The following KIAA1671 variants were observed in gnomAD, a reference collection of about 807,000 sequenced individuals.
The protein encoded by KIAA1671 is KIAA1671, also known as uncharacterized protein KIAA1671.
In KIAA1671, 52 loss-of-function variants were observed where a neutral mutation model predicts 131.2. The ratio of observed to expected loss-of-function variants is 0.40; its 90% CI spans 0.32 to 0.50. KIAA1671 has a LOEUF of 0.50. Ranked by LOEUF, KIAA1671 falls within the 20% of genes least tolerant of loss-of-function variation. The probability of loss-of-function intolerance (pLI) is 0.73; values close to 1 mark genes in which losing one functional copy is unlikely to be tolerated. For missense variants in KIAA1671, 2,360 were observed against 2,364.2 expected, an observed-to-expected ratio of 1.00 and a Z score of 0.04; for synonymous variants, 1,003 against 961.6, an observed-to-expected ratio of 1.04 and a Z score of -0.80.
At position 25,177,665 on chromosome 22, in the gene KIAA1671, G is replaced by A. The variant is rs541762565; in HGVS notation, c.5074+143G>A. On this transcript the variant is annotated intron_variant, in intron 9 of 12. Coordinates refer to ENST00000358431, the MANE Select transcript of KIAA1671 (RefSeq NM_001145206.2). ...ATAGGAAACTGATTTTTTTTTTCAT[G>A]TCTTAAACACACAGGTGTTTATTTA... is the stretch of plus-strand genomic sequence containing the variant. 3 of 682,630 alleles carry A rather than the reference G, an allele frequency of 4.4e-6. No homozygotes were observed. In the East Asian group the frequency reaches 8.3e-5, roughly 19 times the overall value. The allele number at this position is 682,630 out of a possible 1,614,324, so 42.3% of individuals were successfully genotyped here. A position where few individuals can be genotyped will look rare whatever the true frequency, so the allele number is the denominator to read the frequency against.
rs73407425 is a variant in KIAA1671 at position 25,165,967 on chromosome 22, G to A, written c.4531-4853G>A. Among the ~76,000 whole-genome samples, 1,361 of 152,278 alleles carry A rather than the reference G, an allele frequency of 8.9e-3. 23 individuals carry two copies. Among genetic ancestry groups the A allele is most frequent in the African/African-American group, 0.03 (1,265 of 41,556 alleles). Reference sequence around the variant, plus strand: ...CAGGCCCCGCACCCATGCAGGTCCCGCAGGCCGTAACCCTTTCCCTAACCC... The same window carrying A: ...CAGGCCCCGCACCCATGCAGGTCCCACAGGCCGTAACCCTTTCCCTAACCC... On this transcript the variant is annotated intron_variant, in intron 6 of 12. Coordinates refer to ENST00000358431, the MANE Select transcript of KIAA1671 (RefSeq NM_001145206.2).
At chr22:25,094,963 G>C (rs1930326167) in intron 6 of KIAA1671, among the ~76,000 whole-genome samples, 1 of 152,062 alleles carries the variant, frequency 6.6e-6, no homozygotes. Context: ...TAAGGAGTGG[G>C]GATACTGTAG....
At chr22:24,990,511 A>G (rs985666331) in intron 1 of KIAA1671, among the ~76,000 whole-genome samples, 3 of 152,110 alleles carry the variant, frequency 2.0e-5, no homozygotes, top group African/African-American at 7.2e-5. Context: ...CCATGCACAC[A>G]CCATGCTCAC....
intron 6 of KIAA1671, among the ~76,000 whole-genome samples, chr22:25,150,356 A>G (rs77076821): frequency 0.01 from 1,580 of 152,260 alleles, 27 homozygotes; most frequent in African/African-American, 0.035. Flanking sequence ...CCCATTTTAC[A>G]GAGGGGGAAA....
intron 9 of KIAA1671, among the ~76,000 whole-genome samples, chr22:25,180,598 A>G (rs983611687): frequency 2.2e-4 from 34 of 152,126 alleles, no homozygotes; most frequent in African/African-American, 6.3e-4. Flanking sequence ...TGACCTGCCC[A>G]CTCTATGTAG....
At chr22:25,025,175 G>A (rs1189485411) in intron 1 of KIAA1671, among the ~76,000 whole-genome samples, 1 of 61,928 alleles carries the variant, frequency 1.6e-5, no homozygotes, top group African/African-American at 5.5e-5. Context: ...TCAGCACCTC[G>A]AATGCTCAGT....
rs116112981 is a variant in KIAA1671 at position 24,968,677 on chromosome 22, G to T, written c.-208+15905G>T. ...ATGTTAAGTAAAGCCCCCACTGTGT[G>T]CATGGAGCTGTCTGGAGTACTGAGA... On this transcript the variant is annotated intron_variant, in intron 1 of 12. Coordinates refer to ENST00000358431, the MANE Select transcript of KIAA1671 (RefSeq NM_001145206.2). Among the ~76,000 whole-genome samples, 826 of 152,226 alleles carry T rather than the reference G, an allele frequency of 5.4e-3. 6 individuals are homozygous for T. The highest frequency in any genetic ancestry group is 0.019 in the African/African-American group (791 of 41,534).
At chr22:24,991,564 C>T (rs1348897970) in intron 1 of KIAA1671, among the ~76,000 whole-genome samples, 1 of 149,760 alleles carries the variant, frequency 6.7e-6, no homozygotes, top group Non-Finnish European at 1.5e-5. Flanking sequence ...TCAAGCGATT[C>T]TCCTGCCTCA....
chr22:25,187,778 A>G (rs903423946), intron 11 of KIAA1671, among the ~76,000 whole-genome samples: 6 of 152,316 alleles, frequency 3.9e-5, no homozygotes, highest in Non-Finnish European at 5.9e-5. Flanking sequence ...GATTACAGGC[A>G]TGAGCTACCG....
At chr22:25,005,066 T>G (rs1387552350) in intron 1 of KIAA1671, among the ~76,000 whole-genome samples, 3 of 146,920 alleles carry the variant, frequency 2.0e-5, no homozygotes, top group African/African-American at 7.5e-5. Context: ...AATGGAAAGG[T>G]TGGCTGGGTG....
chr22:25,138,931 C>T (rs1264201064), intron 6 of KIAA1671, among the ~76,000 whole-genome samples: 2 of 152,162 alleles, frequency 1.3e-5, no homozygotes, highest in Non-Finnish European at 2.9e-5. Context: ...GATGTTTTGT[C>T]TTTGGGTGCT....
rs191104301 is a variant in KIAA1671, at chr22:25,168,282, G to A, written c.4531-2538G>A. On this transcript the variant is annotated intron_variant, in intron 6 of 12. Coordinates refer to ENST00000358431, the MANE Select transcript of KIAA1671 (RefSeq NM_001145206.2). Reference sequence around the variant, plus strand: ...TGAGTTGCAGAATCCTAGAGCCTGCGTCTGTGCCGTGACCTCCCACGCCCA... The same window carrying A: ...TGAGTTGCAGAATCCTAGAGCCTGCATCTGTGCCGTGACCTCCCACGCCCA... Among the ~76,000 whole-genome samples, 228 of 152,370 alleles carry A rather than the reference G, an allele frequency of 1.5e-3. 1 individual carries two copies. The highest frequency in any genetic ancestry group is 5.3e-3 in the African/African-American group (222 of 41,588).
rs945917909 is a variant in KIAA1671 at position 25,039,600 on chromosome 22, G to A, written c.2470G>A (p.Gly824Ser). Residue 824 changes from glycine (G) to serine (S), a missense_variant, in exon 5 of 13, where the codon GGC becomes AGC. By Grantham distance (56) the Gly-to-Ser change is moderately conservative. This residue lies in a region of KIAA1671 where 1,185 missense variants were observed against 1,126.2 expected (regional missense o/e 1.05). Transcript: ENST00000358431. ...CAATTGCCCGTTTCCCAAATGGACA[G>A]GCGGGGCAGTGGTGAGCTCGCACAA... ...GGNCPFPKWTGGAVVSSHKAT... is the reference protein window; with the variant it reads ...GGNCPFPKWTSGAVVSSHKAT... The A allele has an allele frequency of 3.2e-6, 5 of 1,551,706 alleles. No individual in the cohort carries two copies. The East Asian group carries it at 1.2e-4, about 38-fold the overall frequency.
At chr22:25,084,343 C>T (rs6004429) in intron 6 of KIAA1671, among the ~76,000 whole-genome samples, 190 of 151,820 alleles carry the variant, frequency 1.3e-3, no homozygotes, top group African/African-American at 4.5e-3. Flanking sequence ...GGCATGGTGG[C>T]GCACGCCTGT....
chr22:24,999,966 C>T (rs530335117), intron 1 of KIAA1671, among the ~76,000 whole-genome samples: 5 of 151,984 alleles, frequency 3.3e-5, no homozygotes, highest in Admixed American at 3.3e-4. Flanking sequence ...TTCAGTGTAA[C>T]CTCTGCCTCC....
At chr22:25,037,151 C>T (rs901764293) in intron 4 of KIAA1671, among the ~76,000 whole-genome samples, 4 of 151,966 alleles carry the variant, frequency 2.6e-5, no homozygotes, top group East Asian at 1.9e-4. Context: ...GGTGAAATGC[C>T]GTCACTACTA....
At chr22:25,153,072 T>A (rs1428760889) in intron 6 of KIAA1671, among the ~76,000 whole-genome samples, 1 of 152,232 alleles carries the variant, frequency 6.6e-6, no homozygotes, top group Non-Finnish European at 1.5e-5. Context: ...AAACATTTTT[T>A]CCCTAGTTGC....
intron 1 of KIAA1671, among the ~76,000 whole-genome samples, chr22:24,974,070 C>A (rs919522787): frequency 5.3e-5 from 8 of 152,078 alleles, no homozygotes; most frequent in African/African-American, 1.9e-4. Flanking sequence ...ACCTGGCAGG[C>A]CCTCAGCAAA....
intron 11 of KIAA1671, among the ~76,000 whole-genome samples, chr22:25,189,369 T>G (rs1934594206): frequency 1.3e-5 from 2 of 151,944 alleles, no homozygotes; most frequent in African/African-American, 4.8e-5. Context: ...GAGACAGGGT[T>G]TCACCGTGTT....
Sources: allele counts gnomAD v4.1 joint callset (sites outside exome capture counted in the v4.1 genomes callset), GRCh38; gene constraint gnomAD v4.1.1; regional missense constraint gnomAD v4.1.1; transcripts MANE v1.5; gene names NCBI Gene and HGNC (gene_info 2026-07-23, HGNC 2026-07-21).